Variants in ANK3 observed in about 807,000 individuals in gnomAD.
ANK3 encodes ankyrin 3.
A neutral mutation model predicts 370.9 loss-of-function variants in ANK3; 57 were observed. The ratio of observed to expected loss-of-function variants is 0.15; its 90% CI spans 0.12 to 0.19. The LOEUF is 0.19. ANK3 is among the 10% of genes least tolerant of loss of function. The probability of loss-of-function intolerance (pLI) is 1.00; values close to 1 mark genes in which losing one functional copy is unlikely to be tolerated. For synonymous variants in ANK3, 1,929 were observed against 1,946.3 expected (o/e 0.99, Z 0.23); for missense variants, 4,439 against 5,302.1 (o/e 0.84, Z 5.06).
At chr10:60,341,716 G>C (rs1239318862) in intron 1 of ANK3, among the ~76,000 whole-genome samples, 1 of 152,150 alleles carries the variant, frequency 6.6e-6, no homozygotes, top group Non-Finnish European at 1.5e-5. Flanking sequence ...GCTTTAAAGA[G>C]AGTCAGCACT....
chr10:60,447,859 A>G (rs1470171314), intron 2 of ANK3, among the ~76,000 whole-genome samples: 1 of 152,134 alleles, frequency 6.6e-6, no homozygotes, highest in African/African-American at 2.4e-5. Context: ...TTACCTAAAA[A>G]TTAAGGGGTT....
chr10:60,283,670 C>T (rs1278742901), intron 1 of ANK3, among the ~76,000 whole-genome samples: 1 of 152,048 alleles, frequency 6.6e-6, no homozygotes, highest in South Asian at 2.1e-4. Context: ...AAGGAAATAG[C>T]TTCACGGATA....
chr10:60,434,482 A>G (rs894938280), intron 2 of ANK3, among the ~76,000 whole-genome samples: 1 of 152,254 alleles, frequency 6.6e-6, no homozygotes, highest in Non-Finnish European at 1.5e-5. Context: ...AATGTGAGTT[A>G]TCTTCCAATT....
chr10:60,597,430 T>C (rs1324916772), intron 2 of ANK3, among the ~76,000 whole-genome samples: 1 of 152,170 alleles, frequency 6.6e-6, no homozygotes, highest in Non-Finnish European at 1.5e-5. Context: ...GCAAATATGT[T>C]ATCTACCTAT....
At chr10:60,357,421 G>A (rs1369833848) in intron 1 of ANK3, among the ~76,000 whole-genome samples, 2 of 151,602 alleles carry the variant, frequency 1.3e-5, no homozygotes, top group East Asian at 1.9e-4. Context: ...TTCCACTATC[G>A]ATCACCTCCC....
chr10:60,253,456 T>C (rs569966955), intron 7 of ANK3, among the ~76,000 whole-genome samples: 2 of 152,196 alleles, frequency 1.3e-5, no homozygotes, highest in Non-Finnish European at 2.9e-5. Context: ...TTCAAGTATA[T>C]AAATGGACAT....
chr10:60,128,310 T>C (rs148837877), intron 25 of ANK3, among the ~76,000 whole-genome samples: 1 of 152,186 alleles, frequency 6.6e-6, no homozygotes, highest in African/African-American at 2.4e-5. Flanking sequence ...GGCCAGTGAC[T>C]CTGCCACTTA....
rs1453572735 is a variant in ANK3, at chr10:60,072,019, G to A, written c.8862C>T (p.Ser2954=). 1 of 1,614,074 alleles carries A rather than the reference G, an allele frequency of 6.2e-7. No homozygotes were observed. The highest frequency in any genetic ancestry group is 8.5e-7 in the Non-Finnish European group (1 of 1,180,004). Residue 2954 remains serine (S), a synonymous_variant, in exon 37 of 44, where the codon AGC becomes AGT. Coordinates refer to ENST00000280772, the MANE Select transcript of ANK3 (RefSeq NM_020987.5). The part of the protein sequence containing the change: ...LLDQPSRRSE[S]SAVSHIPVRV... ...TGACGGGAATGTGTGACACTGCTGA[G>A]CTCTCGCTCCTCCTGGAAGGCTGAT...
At chr10:60,078,643 C>CT (rs2084372561) in intron 36 of ANK3, among the ~76,000 whole-genome samples, 1 of 152,170 alleles carries the variant, frequency 6.6e-6, no homozygotes, top group Admixed American at 6.5e-5. Flanking sequence ...TTTGGGATCC[C>CT]TTTATAAGAG....
chr10:60,198,226 G>T, intron 14 of ANK3, 114 bp downstream of exon 14: 1 of 1,010,040 alleles, frequency 9.9e-7, no homozygotes, highest in Non-Finnish European at 1.5e-6. Flanking sequence ...TGACTACTGT[G>T]GGATCGCAAG....
At chr10:60,302,106 T>C (rs1473897039) in intron 1 of ANK3, among the ~76,000 whole-genome samples, 1 of 152,150 alleles carries the variant, frequency 6.6e-6, no homozygotes, top group Non-Finnish European at 1.5e-5. Flanking sequence ...AAATCCCTAT[T>C]TTTTATGAAA....
At chr10:60,321,518 A>G (rs1253990323) in intron 1 of ANK3, among the ~76,000 whole-genome samples, 1 of 152,228 alleles carries the variant, frequency 6.6e-6, no homozygotes, top group Non-Finnish European at 1.5e-5. Context: ...CCCAAACGGA[A>G]AAGAGTATCT....
intron 5 of ANK3, among the ~76,000 whole-genome samples, chr10:60,266,620 A>G (rs1438729254): frequency 2.0e-5 from 3 of 152,216 alleles, no homozygotes; most frequent in African/African-American, 7.2e-5. Context: ...TTTGTACCAG[A>G]AAATAAACTG....
In ANK3 at chr10:60,389,447, C is replaced by A. The variant is rs141511303; in HGVS notation, c.92G>T (p.Arg31Leu). ...TACCTTTTTCTTCCGATCCCGGGAC[C>A]GTTTGCGGTGTTTCCTTTTTTTCTC... ...EPEKKRKHRKRSRDRKKKSDA... is the reference protein window; with the variant it reads ...EPEKKRKHRKLSRDRKKKSDA... The change falls in exon 1 of 44, where the codon CGG becomes CTG. Residue 31 changes from arginine (R) to leucine (L), a missense_variant. Arg to Leu is a moderately radical substitution (Grantham distance 102). Transcript: ENST00000280772. 47 of 1,613,842 alleles carry A rather than the reference C, an allele frequency of 2.9e-5. No homozygotes were observed. The highest frequency in any genetic ancestry group is 3.7e-5 in the Non-Finnish European group (44 of 1,179,956).
At chr10:60,469,997 C>G (rs2065176802) in intron 2 of ANK3, among the ~76,000 whole-genome samples, 1 of 151,912 alleles carries the variant, frequency 6.6e-6, no homozygotes, top group Non-Finnish European at 1.5e-5. Flanking sequence ...ATTTCATTCC[C>G]CAACTTTAGA....
At chr10:60,375,475 G>A (rs1309996652) in intron 1 of ANK3, among the ~76,000 whole-genome samples, 2 of 151,920 alleles carry the variant, frequency 1.3e-5, no homozygotes, top group Admixed American at 1.3e-4. Flanking sequence ...AGAACTCAAA[G>A]GTAACCCATT....
At chr10:60,474,189 C>T (rs959139184) in intron 2 of ANK3, among the ~76,000 whole-genome samples, 8 of 151,978 alleles carry the variant, frequency 5.3e-5, no homozygotes, top group Non-Finnish European at 1.0e-4. Flanking sequence ...TTCAAGCTTG[C>T]TACAGTTAGT....
chr10:60,036,812 T>C (rs2075108441), intron 43 of ANK3, among the ~76,000 whole-genome samples: 1 of 152,138 alleles, frequency 6.6e-6, no homozygotes, highest in Non-Finnish European at 1.5e-5. Flanking sequence ...TACTTCAGTT[T>C]TCTCCCTAGG....
At chr10:60,725,387 C>T (rs1242645341) in intron 1 of ANK3, among the ~76,000 whole-genome samples, 1 of 152,196 alleles carries the variant, frequency 6.6e-6, no homozygotes, top group African/African-American at 2.4e-5. Context: ...CTCTGGTACA[C>T]ATTCCTGTGT....
Sources: allele counts gnomAD v4.1 joint callset (sites outside exome capture counted in the v4.1 genomes callset), GRCh38; gene constraint gnomAD v4.1.1; transcripts MANE v1.5; gene names NCBI Gene and HGNC (gene_info 2026-07-23, HGNC 2026-07-21).